SLC22A16: variants seen among roughly 807,000 people sequenced by gnomAD.
SLC22A16 encodes the protein WUGSC:RG331P03.1.
A neutral mutation model predicts 52.9 loss-of-function variants in SLC22A16; 53 were observed. That is an observed-to-expected ratio of 1.00 (90% confidence interval 0.80 to 1.26). The LOEUF (loss-of-function observed/expected upper bound fraction) is 1.26. Among genes scored for constraint, SLC22A16 ranks in the 50% most tolerant of loss-of-function variants. The pLI is 0.00. For synonymous variants in SLC22A16, 291 were observed against 268.8 expected (o/e 1.08, Z -0.81); for missense variants, 726 against 704.0 (o/e 1.03, Z -0.35).
intron 2 of SLC22A16, among the ~76,000 whole-genome samples, chr6:110,451,332 C>T: frequency 6.6e-6 from 1 of 152,178 alleles, no homozygotes; most frequent in Non-Finnish European, 1.5e-5. Flanking sequence ...TGCCCCAGAG[C>T]ATGTGGCTGT....
intron 1 of SLC22A16, 161 bp downstream of exon 1, chr6:110,476,361 G>A: frequency 2.2e-6 from 3 of 1,357,990 alleles, no homozygotes; most frequent in Non-Finnish European, 2.8e-6. Context: ...AGCCCAGCTA[G>A]GGGCCGGCGT....
intron 2 of SLC22A16, among the ~76,000 whole-genome samples, chr6:110,453,869 C>A (rs1283520631): frequency 6.6e-6 from 1 of 152,158 alleles, no homozygotes; most frequent in Non-Finnish European, 1.5e-5. Flanking sequence ...TGCTACATTA[C>A]AACATGGCAG....
chr6:110,442,708 G>C lies in SLC22A16; in HGVS notation c.719C>G (p.Thr240Arg). 4 of 1,614,176 alleles carry C rather than the reference G, an allele frequency of 2.5e-6. No homozygotes were observed. The highest frequency in any genetic ancestry group is 2.5e-6 in the Non-Finnish European group (3 of 1,180,032). ...VMEFIGMKSR[T>R]WASVHLHSFF... is the part of the protein sequence containing the mutation. ...GGAATGCAAATGGACAGACGCCCATGTCCGAGACTTCATGCCAATGAATTC... is the reference window on the plus strand; with the variant it reads ...GGAATGCAAATGGACAGACGCCCATCTCCGAGACTTCATGCCAATGAATTC... Residue 240 changes from threonine to arginine, a missense_variant, in exon 4 of 8, where the codon ACA (threonine) becomes AGA (arginine). By Grantham distance (71) the Thr-to-Arg change is moderately conservative (BLOSUM62 -1). Transcript: ENST00000368919.
chr6:110,427,696 C>T (rs115064358), intron 7 of SLC22A16, among the ~76,000 whole-genome samples: 3,041 of 152,260 alleles, frequency 0.02, 101 homozygotes, highest in African/African-American at 0.068. Flanking sequence ...GACGGGGTGT[C>T]GCCATATTGG....
intron 7 of SLC22A16, among the ~76,000 whole-genome samples, chr6:110,428,937 A>G (rs1275672885): frequency 6.6e-6 from 1 of 152,176 alleles, no homozygotes; most frequent in Non-Finnish European, 1.5e-5. Flanking sequence ...TAATAAAAAT[A>G]AAAGGAGCTT....
chr6:110,468,709 C>G (rs1776159876), intron 1 of SLC22A16, among the ~76,000 whole-genome samples: 1 of 151,798 alleles, frequency 6.6e-6, no homozygotes, highest in Non-Finnish European at 1.5e-5. Context: ...AAGAAATCAG[C>G]CTCAGTCCAT....
chr6:110,435,486 C>A (rs1178256479), intron 6 of SLC22A16, among the ~76,000 whole-genome samples: 1 of 152,084 alleles, frequency 6.6e-6, no homozygotes, highest in Non-Finnish European at 1.5e-5. Flanking sequence ...TTTAAGCCAC[C>A]CAGCCTGTGG....
chr6:110,454,273 G>A (rs1232279875), intron 2 of SLC22A16, among the ~76,000 whole-genome samples: 1 of 152,050 alleles, frequency 6.6e-6, no homozygotes, highest in East Asian at 1.9e-4. Flanking sequence ...CATCCAGCAA[G>A]AAGTATAGAA....
At chr6:110,429,974 G>A (rs1420332615) in intron 7 of SLC22A16, among the ~76,000 whole-genome samples, 2 of 152,054 alleles carry the variant, frequency 1.3e-5, no homozygotes, top group Non-Finnish European at 2.9e-5. Context: ...AGGGGAAGCT[G>A]CATGAGGAAT....
intron 1 of SLC22A16, among the ~76,000 whole-genome samples, chr6:110,463,209 T>C (rs1775946914): frequency 6.6e-6 from 1 of 151,980 alleles, no homozygotes; most frequent in Admixed American, 6.5e-5. Flanking sequence ...ATAAAGCAAT[T>C]ACACAATTGA....
In SLC22A16 at chr6:110,476,607, G is replaced by C; in HGVS notation, c.-33C>G. 3 of 1,517,194 alleles carry C rather than the reference G, an allele frequency of 2.0e-6. No homozygotes were observed. Among genetic ancestry groups the C allele is most frequent in the Non-Finnish European group, 2.6e-6 (3 of 1,133,616 alleles). 94.0% of individuals were successfully genotyped at this position (1,517,194 alleles called of 1,614,324 possible). On this transcript the variant is annotated 5_prime_UTR_variant, in exon 1 of 8. Transcript: ENST00000368919. ...CCGTGCACTGGGCGCCGAGTTAGCC[G>C]AGCTCCGGGGACTGCGGGTAGCGCG... is the stretch of plus-strand genomic sequence containing the variant.
At chr6:110,456,212 A>T in intron 2 of SLC22A16, 1 of 266,606 alleles carries the variant, frequency 3.8e-6, no homozygotes, top group Non-Finnish European at 7.1e-6. Context: ...TTTCTGTATT[A>T]ATTTTGCAAT....
At chr6:110,449,222 T>C (rs9487409) in intron 2 of SLC22A16, among the ~76,000 whole-genome samples, 62,265 of 151,616 alleles carry the variant, frequency 0.41, 14,739 homozygotes, top group African/African-American at 0.66. Flanking sequence ...GCCTACTCGT[T>C]AGACCCCTGC....
At chr6:110,440,908 A>G (rs1774939832) in intron 4 of SLC22A16, among the ~76,000 whole-genome samples, 1 of 152,250 alleles carries the variant, frequency 6.6e-6, no homozygotes, top group Non-Finnish European at 1.5e-5. Context: ...TTGAGGCACT[A>G]AGAAGAATAA....
chr6:110,462,476 A>G (rs1181645422), intron 1 of SLC22A16, among the ~76,000 whole-genome samples: 1 of 152,212 alleles, frequency 6.6e-6, no homozygotes, highest in African/African-American at 2.4e-5. Context: ...AAGACAAAAT[A>G]GATATATTAA....
intron 1 of SLC22A16, among the ~76,000 whole-genome samples, chr6:110,458,825 T>A (rs913677864): frequency 1.3e-5 from 2 of 152,190 alleles, no homozygotes; most frequent in Non-Finnish European, 2.9e-5. Flanking sequence ...TCAGAGCTCC[T>A]GGTTCTTGGG....
rs1016403853 is a variant in SLC22A16 at position 110,452,395 on chromosome 6, T to C, written c.533+4143A>G. On this transcript the variant is annotated intron_variant, in intron 2 of 7. Coordinates refer to ENST00000368919, the MANE Select transcript of SLC22A16 (RefSeq NM_033125.4). ...TTTTATTTCTCCTTTCCAATCATTA[T>C]TCTTTCCTTGCTTCCTTTCCTTCTA... 3.9e-5 allele frequency among the ~76,000 whole-genome samples: 6 copies of C among 152,364 alleles called. No individual in the cohort carries two copies. In the South Asian group the frequency reaches 1.2e-3, roughly 32 times the overall value.
intron 1 of SLC22A16, among the ~76,000 whole-genome samples, chr6:110,468,763 G>T (rs535090858): frequency 5.0e-4 from 76 of 152,258 alleles, no homozygotes; most frequent in African/African-American, 1.8e-3. Context: ...TGAGAAGACA[G>T]GCCGGTGTTG....
chr6:110,431,622 G>A (rs920859324), intron 6 of SLC22A16, among the ~76,000 whole-genome samples: 4 of 152,152 alleles, frequency 2.6e-5, no homozygotes, highest in Non-Finnish European at 5.9e-5. Context: ...GTTTGTGTAA[G>A]TTCACTCTAT....
Sources: gnomAD v4.1 joint callset for allele counts (sites outside exome capture counted in the v4.1 genomes callset) on GRCh38, gnomAD v4.1.1 for gene constraint, MANE v1.5 for transcripts, NCBI Gene and HGNC (gene_info 2026-07-23, HGNC 2026-07-21) for gene names.